AP3B1: variants seen among roughly 807,000 people sequenced by gnomAD.
AP3B1 encodes the protein adaptor related protein complex 3 subunit beta 1, also known as AP-3 complex subunit beta-1.
A neutral mutation model predicts 132.5 loss-of-function variants in AP3B1; 61 were observed. That is an observed-to-expected ratio of 0.46 (90% CI 0.37 to 0.57). The LOEUF (loss-of-function observed/expected upper bound fraction) is 0.57. Ranked by LOEUF, AP3B1 falls within the 20% of genes least tolerant of loss-of-function variation. The pLI is 0.00. For synonymous variants in AP3B1, 388 were observed against 438.3 expected (o/e 0.89, Z 1.43); for missense variants, 1,120 against 1,289.4 (o/e 0.87, Z 2.01).
chr5:78,255,333 T>A (rs758777838), intron 2 of AP3B1, among the ~76,000 whole-genome samples: 1 of 151,936 alleles, frequency 6.6e-6, no homozygotes, highest in Non-Finnish European at 1.5e-5. Context: ...AACCCATTGA[T>A]CTGTTGCCCA....
At chr5:78,262,641 A>G (rs954516644) in intron 2 of AP3B1, among the ~76,000 whole-genome samples, 1 of 150,938 alleles carries the variant, frequency 6.6e-6, no homozygotes, top group Non-Finnish European at 1.5e-5. Flanking sequence ...ATGCTTTGTC[A>G]TAGGTTTTGA....
intron 1 of AP3B1, among the ~76,000 whole-genome samples, chr5:78,267,881 AG>A (rs1438275743): frequency 6.6e-6 from 1 of 152,216 alleles, no homozygotes; most frequent in Non-Finnish European, 1.5e-5. Flanking sequence ...AACTAATACA[AG>A]GGTTAAATGT....
chr5:78,248,687 T>C (rs953963449), intron 2 of AP3B1, among the ~76,000 whole-genome samples: 1 of 152,102 alleles, frequency 6.6e-6, no homozygotes, highest in Non-Finnish European at 1.5e-5. Context: ...CGCCTAAATA[T>C]CCATCTGGTA....
At chr5:78,158,406 C>T (rs1036802532) in intron 13 of AP3B1, among the ~76,000 whole-genome samples, 8 of 151,640 alleles carry the variant, frequency 5.3e-5, no homozygotes, top group Non-Finnish European at 8.8e-5. Context: ...TTCAGTGAGC[C>T]GTGATCACAA....
chr5:78,141,559 T>A (rs1194439757), intron 14 of AP3B1, among the ~76,000 whole-genome samples: 1 of 152,228 alleles, frequency 6.6e-6, no homozygotes, highest in African/African-American at 2.4e-5. Context: ...CAAAAACCGA[T>A]GGTCTAGAAT....
At chr5:78,248,414 A>G (rs1261093930) in intron 2 of AP3B1, among the ~76,000 whole-genome samples, 4 of 149,354 alleles carry the variant, frequency 2.7e-5, no homozygotes, top group Admixed American at 6.8e-5. Flanking sequence ...AATCACTTGA[A>G]CCCAGGAGGC....
At chr5:78,249,873 C>A (rs1003480725) in intron 2 of AP3B1, among the ~76,000 whole-genome samples, 2 of 152,186 alleles carry the variant, frequency 1.3e-5, no homozygotes, top group African/African-American at 2.4e-5. Context: ...GCCACCGTGT[C>A]CGGCCACAAA....
chr5:78,275,419 A>T (rs941635867), intron 1 of AP3B1, among the ~76,000 whole-genome samples: 1 of 152,232 alleles, frequency 6.6e-6, no homozygotes, highest in Non-Finnish European at 1.5e-5. Flanking sequence ...TACAGTTTCC[A>T]TGTGTAAAGC....
In AP3B1 at chr5:78,288,463, C is replaced by T. The variant is rs1370922256; in HGVS notation, c.128+5989G>A. On this transcript the variant is annotated intron_variant, in intron 1 of 26. Coordinates refer to ENST00000255194, the MANE Select transcript of AP3B1 (RefSeq NM_003664.5). The stretch of plus-strand genomic sequence containing the variant: ...AAAATCCTGATTGTAAAGTTCATTC[C>T]ATACCTACATGACAATTCCGAGTCA... 2.6e-5 allele frequency among the ~76,000 whole-genome samples: 4 copies of T among 152,122 alleles called. 1 individual carries two copies. Among genetic ancestry groups the T allele is most frequent in the East Asian group, 3.8e-4 (2 of 5,200 alleles).
chr5:78,250,693 A>G (rs1219747935), intron 2 of AP3B1, among the ~76,000 whole-genome samples: 1 of 152,218 alleles, frequency 6.6e-6, no homozygotes, highest in Non-Finnish European at 1.5e-5. Context: ...TTATATGGGG[A>G]AAAAGTTGGA....
intron 3 of AP3B1, among the ~76,000 whole-genome samples, chr5:78,235,369 T>C (rs1746831072): frequency 1.3e-5 from 2 of 152,308 alleles, no homozygotes; most frequent in East Asian, 1.9e-4. Context: ...TCACAGAGTT[T>C]ATATTGGCAA....
chr5:78,220,413 A>T (rs1746129284), intron 6 of AP3B1, among the ~76,000 whole-genome samples: 2 of 151,938 alleles, frequency 1.3e-5, no homozygotes, highest in South Asian at 4.1e-4. Flanking sequence ...AGAAATATAA[A>T]CCCTAAATTC....
At chr5:78,276,221 T>C (rs576734839) in intron 1 of AP3B1, among the ~76,000 whole-genome samples, 3 of 151,966 alleles carry the variant, frequency 2.0e-5, no homozygotes, top group African/African-American at 7.2e-5. Context: ...ATGTGCTACC[T>C]TGCCTGGCTA....
At chr5:78,142,637 T>C (rs1435823017) in intron 14 of AP3B1, among the ~76,000 whole-genome samples, 6 of 141,296 alleles carry the variant, frequency 4.2e-5, no homozygotes, top group Admixed American at 7.3e-5. Context: ...TATAAAAATA[T>C]TAAGTTACAA....
At chr5:78,218,692 G>A (rs1048058026) in intron 6 of AP3B1, among the ~76,000 whole-genome samples, 5 of 152,074 alleles carry the variant, frequency 3.3e-5, no homozygotes, top group Non-Finnish European at 5.9e-5. Context: ...GGTACAAAAC[G>A]TTTCCTTGCA....
intron 22 of AP3B1, among the ~76,000 whole-genome samples, chr5:78,062,934 C>T (rs892416882): frequency 1.3e-5 from 2 of 152,104 alleles, no homozygotes; most frequent in Non-Finnish European, 2.9e-5. Flanking sequence ...GTGATGAGGT[C>T]AAATGCTTGT....
intron 22 of AP3B1, among the ~76,000 whole-genome samples, chr5:78,044,933 T>C (rs1561371620): frequency 6.6e-6 from 1 of 152,234 alleles, no homozygotes; most frequent in Non-Finnish European, 1.5e-5. Flanking sequence ...AAGCATTCTC[T>C]AATGAATTCA....
intron 2 of AP3B1, among the ~76,000 whole-genome samples, chr5:78,241,823 C>T (rs1051170402): frequency 6.6e-6 from 1 of 152,186 alleles, no homozygotes; most frequent in African/African-American, 2.4e-5. Context: ...TCTTTCATGA[C>T]AAAATGGCAT....
intron 15 of AP3B1, among the ~76,000 whole-genome samples, chr5:78,130,840 T>G (rs1561428510): frequency 6.6e-6 from 1 of 152,000 alleles, no homozygotes; most frequent in African/African-American, 2.4e-5. Context: ...GCAACTAAAA[T>G]AAAGAAAGAG....
Sources: allele counts gnomAD v4.1 joint callset (sites outside exome capture counted in the v4.1 genomes callset), GRCh38; gene constraint gnomAD v4.1.1; transcripts MANE v1.5; gene names NCBI Gene and HGNC (gene_info 2026-07-23, HGNC 2026-07-21).